Variants in WWOX observed in about 807,000 individuals in gnomAD.
WWOX encodes WW domain-containing oxidoreductase.
In WWOX, 69 loss-of-function variants were observed where a neutral mutation model predicts 46.2. That is an observed-to-expected ratio of 1.49 (90% CI 1.23 to 1.82). The LOEUF is 1.82. WWOX is among the 40% of genes most tolerant of loss of function. The pLI is 0.00. For missense variants in WWOX, 919 were observed against 542.6 expected, an observed-to-expected ratio of 1.69 and a Z score of -6.89; for synonymous variants, 359 against 202.6, an observed-to-expected ratio of 1.77 and a Z score of -6.56.
intron 8 of WWOX, among the ~76,000 whole-genome samples, chr16:78,768,921 A>G (rs950352222): frequency 3.9e-5 from 6 of 152,282 alleles, no homozygotes; most frequent in Non-Finnish European, 8.8e-5. Flanking sequence ...GCCATGGTGT[A>G]GGGGAGGAGG....
At chr16:78,312,994 T>G (rs901175472) in intron 5 of WWOX, among the ~76,000 whole-genome samples, 10 of 152,232 alleles carry the variant, frequency 6.6e-5, no homozygotes, top group African/African-American at 1.2e-4. Context: ...GTTGAGTGAT[T>G]GTGAATGTTT....
At chr16:78,726,654 T>G (rs2048843795) in intron 8 of WWOX, among the ~76,000 whole-genome samples, 1 of 152,126 alleles carries the variant, frequency 6.6e-6, no homozygotes, top group African/African-American at 2.4e-5. Context: ...GGGAGTCAAC[T>G]AAACAATTTA....
intron 8 of WWOX, among the ~76,000 whole-genome samples, chr16:78,933,630 T>G (rs986231031): frequency 2.0e-5 from 3 of 152,154 alleles, no homozygotes; most frequent in African/African-American, 7.2e-5. Flanking sequence ...GAAAGAAGTT[T>G]ATTGGACTTA....
chr16:78,397,212 G>A (rs1353372629), intron 6 of WWOX, among the ~76,000 whole-genome samples: 1 of 150,722 alleles, frequency 6.6e-6, no homozygotes, highest in African/African-American at 2.4e-5. Flanking sequence ...TAGGGAAGCA[G>A]GTCAATAAGA....
intron 6 of WWOX, among the ~76,000 whole-genome samples, chr16:78,408,561 G>C (rs540982849): frequency 2.3e-4 from 35 of 152,306 alleles, no homozygotes; most frequent in African/African-American, 8.4e-4. Context: ...CAGAAAGACT[G>C]TATCACAGGG....
In WWOX at chr16:78,425,115, C is replaced by G. The variant is rs956038787; in HGVS notation, c.791+60C>G. ...CTTTCTCATACCAGCTAATATTCCC[C>G]CAAGGCTCTCATTCTGAAAATAATT... is the stretch of plus-strand genomic sequence containing the variant. On this transcript the variant is annotated intron_variant, in intron 7 of 8. Coordinates refer to ENST00000566780, the MANE Select transcript of WWOX (RefSeq NM_016373.4). 2.5e-6 allele frequency: 4 copies of G among 1,598,868 alleles called. No homozygotes were observed. The African/African-American group carries it at 4.0e-5, about 16-fold the overall frequency.
intron 8 of WWOX, among the ~76,000 whole-genome samples, chr16:79,099,917 G>A (rs2049157451): frequency 6.6e-6 from 1 of 152,176 alleles, no homozygotes; most frequent in Admixed American, 6.5e-5. Context: ...AGGCAAGTCT[G>A]AAATCCATAC....
At chr16:78,740,824 C>T (rs2142414832) in intron 8 of WWOX, among the ~76,000 whole-genome samples, 1 of 152,254 alleles carries the variant, frequency 6.6e-6, no homozygotes, top group East Asian at 1.9e-4. Context: ...CTTAGAGATG[C>T]TTTTGCTCCT....
chr16:79,167,570 T>C (rs2050619404), intron 8 of WWOX, among the ~76,000 whole-genome samples: 1 of 152,140 alleles, frequency 6.6e-6, no homozygotes, highest in African/African-American at 2.4e-5. Context: ...CCTCCACGCA[T>C]CGTAATTCCC....
At chr16:78,794,856 C>T (rs775514288) in intron 8 of WWOX, among the ~76,000 whole-genome samples, 2 of 152,236 alleles carry the variant, frequency 1.3e-5, no homozygotes, top group African/African-American at 2.4e-5. Context: ...CTGCTGACAC[C>T]TGTCTGACTT....
intron 8 of WWOX, among the ~76,000 whole-genome samples, chr16:78,987,625 C>A (rs1001877095): frequency 2.0e-5 from 3 of 152,148 alleles, no homozygotes; most frequent in Non-Finnish European, 2.9e-5. Flanking sequence ...CCTCATGTTT[C>A]AAGTGGCTTT....
At chr16:78,398,266 C>T (rs1664310045) in intron 6 of WWOX, among the ~76,000 whole-genome samples, 1 of 152,164 alleles carries the variant, frequency 6.6e-6, no homozygotes, top group Non-Finnish European at 1.5e-5. Flanking sequence ...GATCTGATCC[C>T]TTCTCCCATG....
chr16:78,399,679 G>A (rs1332455327), intron 6 of WWOX, among the ~76,000 whole-genome samples: 2 of 152,168 alleles, frequency 1.3e-5, no homozygotes. Flanking sequence ...TGGAAAAAGG[G>A]TTTGAGTTTC....
intron 8 of WWOX, among the ~76,000 whole-genome samples, chr16:78,841,296 C>T (rs1319570205): frequency 1.3e-5 from 2 of 152,122 alleles, no homozygotes; most frequent in Admixed American, 6.5e-5. Context: ...ATTTGAGTCA[C>T]CATAATGTGA....
At chr16:78,507,435 T>A (rs1882957) in intron 8 of WWOX, among the ~76,000 whole-genome samples, 21,655 of 152,210 alleles carry the variant, frequency 0.14, 1,659 homozygotes, top group Non-Finnish European at 0.17. Flanking sequence ...TCTCAGTCAT[T>A]TTACAGCTCT....
At chr16:78,528,255 C>G (rs1272765151) in intron 8 of WWOX, among the ~76,000 whole-genome samples, 10 of 142,450 alleles carry the variant, frequency 7.0e-5, no homozygotes, top group African/African-American at 2.6e-4. Context: ...ATCTCGTAAT[C>G]CGCCCACCTC....
At chr16:78,867,218 G>T (rs1376937558) in intron 8 of WWOX, among the ~76,000 whole-genome samples, 2 of 152,202 alleles carry the variant, frequency 1.3e-5, no homozygotes, top group Non-Finnish European at 2.9e-5. Context: ...GAGTGGGGGA[G>T]TGCAAGAAGT....
intron 8 of WWOX, among the ~76,000 whole-genome samples, chr16:78,700,918 G>C (rs765491509): frequency 1.3e-5 from 2 of 152,160 alleles, no homozygotes; most frequent in South Asian, 4.2e-4. Context: ...ATCTCAAAAG[G>C]CAGAGGGCAA....
intron 8 of WWOX, among the ~76,000 whole-genome samples, chr16:79,042,454 T>A (rs1188937648): frequency 6.6e-6 from 1 of 152,232 alleles, no homozygotes; most frequent in African/African-American, 2.4e-5. Flanking sequence ...TGGTTATTTA[T>A]CTTCCTCTGC....
Sources: gnomAD v4.1 joint callset for allele counts (sites outside exome capture counted in the v4.1 genomes callset) on GRCh38, gnomAD v4.1.1 for gene constraint, MANE v1.5 for transcripts, NCBI Gene and HGNC (gene_info 2026-07-23, HGNC 2026-07-21) for gene names.